Variants in NLGN1 observed in about 807,000 individuals in gnomAD.
The protein encoded by NLGN1 is neuroligin-1.
Under a neutral mutation model 65.5 loss-of-function variants are expected in NLGN1, and 12 were observed. The observed-to-expected ratio is 0.18, with a 90% CI of 0.12 to 0.30. The LOEUF (loss-of-function observed/expected upper bound fraction) is 0.30, where lower values mean the gene tolerates loss of function less well. NLGN1 is among the 10% of genes least tolerant of loss of function. NLGN1 has a pLI of 1.00. For synonymous variants in NLGN1, 350 were observed against 359.5 expected (o/e 0.97, Z 0.30); for missense variants, 750 against 1,007.1 (o/e 0.74, Z 3.46).
chr3:174,210,503 C>A (rs6765852), intron 4 of NLGN1, among the ~76,000 whole-genome samples: 17,006 of 152,174 alleles, frequency 0.11, 2,155 homozygotes, highest in African/African-American at 0.31. Flanking sequence ...ACAGGACTGC[C>A]TATTGTCCAC....
At chr3:174,172,013 C>G (rs939625474) in intron 4 of NLGN1, among the ~76,000 whole-genome samples, 2 of 152,068 alleles carry the variant, frequency 1.3e-5, no homozygotes, top group African/African-American at 4.8e-5. Context: ...AATTTAGACT[C>G]AAATTTTTGG....
At chr3:173,556,366 T>A (rs1180363632) in intron 2 of NLGN1, among the ~76,000 whole-genome samples, 3 of 152,214 alleles carry the variant, frequency 2.0e-5, no homozygotes, top group African/African-American at 7.2e-5. Flanking sequence ...AGCACTGCTT[T>A]AGCTGCAAAT....
intron 4 of NLGN1, among the ~76,000 whole-genome samples, chr3:173,961,793 A>G (rs1713636257): frequency 6.6e-6 from 1 of 152,106 alleles, no homozygotes; most frequent in Non-Finnish European, 1.5e-5. Context: ...TCAATTAATA[A>G]CATTACCTCA....
chr3:173,735,470 A>C (rs1773598173), intron 3 of NLGN1, among the ~76,000 whole-genome samples: 1 of 152,176 alleles, frequency 6.6e-6, no homozygotes, highest in Non-Finnish European at 1.5e-5. Context: ...TCAAAGGATT[A>C]GGAAAAAGAC....
rs1327144384 is a variant in NLGN1 at position 173,473,651 on chromosome 3, A to T, written c.-321+38573A>T. Among the ~76,000 whole-genome samples the T allele has an allele frequency of 3.9e-5, 6 of 152,206 alleles. No individual in the cohort carries two copies. In the East Asian group the frequency reaches 1.2e-3, roughly 29 times the overall value. On this transcript the variant is annotated intron_variant, in intron 2 of 6. Coordinates refer to ENST00000457714, the Ensembl canonical transcript of NLGN1. ...TTTCACCTTCATTCTCCCTATCCCA[A>T]ATTGGCTGTTTATAAATGAAAATAT...
intron 3 of NLGN1, among the ~76,000 whole-genome samples, chr3:173,658,397 G>A (rs1429644149): frequency 1.3e-5 from 2 of 152,002 alleles, no homozygotes; most frequent in Non-Finnish European, 2.9e-5. Context: ...ATTAAGAACA[G>A]CAGTTGTGCT....
intron 4 of NLGN1, among the ~76,000 whole-genome samples, chr3:173,860,590 G>T (rs1488820861): frequency 6.6e-6 from 1 of 152,130 alleles, no homozygotes; most frequent in Non-Finnish European, 1.5e-5. Flanking sequence ...CAGTAAATTA[G>T]TTAAAATACG....
At chr3:173,869,360 A>G (rs1352930970) in intron 4 of NLGN1, among the ~76,000 whole-genome samples, 4 of 152,172 alleles carry the variant, frequency 2.6e-5, no homozygotes, top group African/African-American at 9.6e-5. Flanking sequence ...AGATCCATCA[A>G]CTTAATGAAA....
chr3:173,889,988 G>GGT (rs140428383), intron 4 of NLGN1, among the ~76,000 whole-genome samples: 5,274 of 147,684 alleles, frequency 0.036, 141 homozygotes, highest in African/African-American at 0.077. Context: ...TATGTATGAG[G>GGT]GTGTGTGTGT....
intron 4 of NLGN1, among the ~76,000 whole-genome samples, chr3:173,932,999 G>A (rs1396023030): frequency 6.6e-6 from 1 of 152,120 alleles, no homozygotes; most frequent in Non-Finnish European, 1.5e-5. Context: ...GTAAGGATGG[G>A]ATTTATTGGA....
At chr3:173,517,816 A>T (rs956349298) in intron 2 of NLGN1, among the ~76,000 whole-genome samples, 1 of 146,306 alleles carries the variant, frequency 6.8e-6, no homozygotes, top group Admixed American at 7.0e-5. Context: ...TCTATCTGTC[A>T]TCTATCTCCA....
chr3:173,898,874 T>C (rs1736819923), intron 4 of NLGN1, among the ~76,000 whole-genome samples: 1 of 152,028 alleles, frequency 6.6e-6, no homozygotes, highest in Non-Finnish European at 1.5e-5. Context: ...AGACAAACTT[T>C]AAAGGAAAAA....
intron 3 of NLGN1, among the ~76,000 whole-genome samples, chr3:173,760,126 C>T (rs1182714391): frequency 6.6e-6 from 1 of 151,968 alleles, no homozygotes; most frequent in Non-Finnish European, 1.5e-5. Context: ...TATAAAATCA[C>T]CTCTTTCACT....
At chr3:173,700,597 G>T (rs1433184900) in intron 3 of NLGN1, among the ~76,000 whole-genome samples, 1 of 152,154 alleles carries the variant, frequency 6.6e-6, no homozygotes, top group Non-Finnish European at 1.5e-5. Flanking sequence ...TTAAATGCCT[G>T]TTTTCTGCTC....
At chr3:173,564,421 A>G (rs1251679609) in intron 2 of NLGN1, among the ~76,000 whole-genome samples, 2 of 152,262 alleles carry the variant, frequency 1.3e-5, no homozygotes, top group Admixed American at 1.3e-4. Context: ...CTAACTGTGT[A>G]AAACATTATG....
At chr3:173,821,523 G>A (rs1218828256) in intron 4 of NLGN1, among the ~76,000 whole-genome samples, 1 of 152,124 alleles carries the variant, frequency 6.6e-6, no homozygotes, top group Non-Finnish European at 1.5e-5. Context: ...TGCTTCAGTA[G>A]ATAGTGTTTT....
At chr3:173,989,577 G>A (rs1720666387) in intron 4 of NLGN1, among the ~76,000 whole-genome samples, 1 of 152,088 alleles carries the variant, frequency 6.6e-6, no homozygotes, top group Admixed American at 6.6e-5. Flanking sequence ...ATATGACTTT[G>A]TAAATCTCTG....
chr3:173,960,508 T>C (rs945292393), intron 4 of NLGN1, among the ~76,000 whole-genome samples: 2 of 151,990 alleles, frequency 1.3e-5, no homozygotes, highest in African/African-American at 4.8e-5. Context: ...ATTACTAATT[T>C]CAATTGTTAA....
intron 4 of NLGN1, among the ~76,000 whole-genome samples, chr3:174,155,542 G>A (rs1288315246): frequency 6.6e-6 from 1 of 151,622 alleles, no homozygotes; most frequent in Non-Finnish European, 1.5e-5. Flanking sequence ...ATCTTATTGT[G>A]TGTTTTTCAG....
Sources: gnomAD v4.1 joint callset for allele counts (sites outside exome capture counted in the v4.1 genomes callset) on GRCh38, gnomAD v4.1.1 for gene constraint, MANE v1.5 for transcripts, NCBI Gene and HGNC (gene_info 2026-07-23, HGNC 2026-07-21) for gene names.